The following TIAM2 variants were observed in gnomAD, a reference collection of about 807,000 sequenced individuals.
TIAM2 encodes the protein TIAM Rac1 associated GEF 2, also known as rho guanine nucleotide exchange factor TIAM2.
In TIAM2, 80 loss-of-function variants were observed where a neutral mutation model predicts 152.9. The observed-to-expected ratio is 0.52, with a 90% CI of 0.44 to 0.63. TIAM2 has a LOEUF of 0.63. Among genes scored for constraint, TIAM2 ranks in the 30% least tolerant of loss-of-function variants. The probability of loss-of-function intolerance (pLI) is 0.00; values close to 1 mark genes in which losing one functional copy is unlikely to be tolerated. For synonymous variants in TIAM2, 804 were observed against 838.0 expected (o/e 0.96, Z 0.70); for missense variants, 1,965 against 2,120.1 (o/e 0.93, Z 1.44).
intron 1 of TIAM2, among the ~76,000 whole-genome samples, chr6:155,062,822 G>T (rs920068236): frequency 2.6e-5 from 4 of 151,958 alleles, no homozygotes; most frequent in Admixed American, 2.6e-4. Context: ...TGATCCACCC[G>T]CCTCAGCCTC....
chr6:155,183,584 A>G, intron 14 of TIAM2, 84 bp downstream of exon 14: 1 of 1,476,186 alleles, frequency 6.8e-7, no homozygotes, highest in Non-Finnish European at 9.1e-7. Context: ...GCAAACTCAG[A>G]TTATTTAAGC....
Position 155,256,509 on chromosome 6 carries a change from G to A in TIAM2, c.4494G>A (p.Leu1498=), listed in dbSNP as rs756501590. The A allele has an allele frequency of 6.2e-6, 10 of 1,614,230 alleles. No homozygotes were observed. In the East Asian group the frequency reaches 1.6e-4, roughly 25 times the overall value. ...KLASSRSLKV[L]KNSSSNEWTG... is the part of the protein sequence containing the mutation. The stretch of plus-strand genomic sequence containing the variant: ...CTTCATCCAGGTCTTTAAAAGTCCT[G>A]AAGAATTCCTCCAGCAACGAGTGGA... The change falls in exon 27 of 27, where the codon CTG becomes CTA. Residue 1498 remains leucine (L), a synonymous_variant. Coordinates refer to ENST00000682666, the MANE Select transcript of TIAM2 (RefSeq NM_012454.4).
chr6:155,067,714 C>T (rs1381778909), intron 1 of TIAM2, among the ~76,000 whole-genome samples: 2 of 152,130 alleles, frequency 1.3e-5, no homozygotes, highest in Non-Finnish European at 2.9e-5. Flanking sequence ...CATCATGGCT[C>T]ACTGCAGCCT....
rs187460443 is a variant in TIAM2, at chr6:155,157,601, C to T, written c.2029-6814C>T. On this transcript the variant is annotated intron_variant, in intron 7 of 26. Transcript: ENST00000682666. ...GGATTATAGGAGTGAGCCACTGCACCCAGACGAGAAGTACATTTTCCGTAT... is the reference window on the plus strand; with the variant it reads ...GGATTATAGGAGTGAGCCACTGCACTCAGACGAGAAGTACATTTTCCGTAT... Among the ~76,000 whole-genome samples the T allele has an allele frequency of 9.2e-5, 14 of 152,124 alleles. 1 individual carries two copies. Among genetic ancestry groups the T allele is most frequent in the East Asian group, 3.9e-4 (2 of 5,176 alleles).
intron 5 of TIAM2, among the ~76,000 whole-genome samples, chr6:155,142,793 C>G (rs528060780): frequency 6.6e-6 from 1 of 152,174 alleles, no homozygotes; most frequent in South Asian, 2.1e-4. Context: ...GGAGCAAATG[C>G]GCAGTTTCTT....
intron 4 of TIAM2, among the ~76,000 whole-genome samples, chr6:155,134,994 C>T (rs757790220): frequency 3.3e-5 from 5 of 152,112 alleles, no homozygotes; most frequent in South Asian, 2.1e-4. Context: ...CGTGAGCCAC[C>T]GAGCCCAGCC....
intron 1 of TIAM2, among the ~76,000 whole-genome samples, chr6:155,008,072 G>T (rs151332961): frequency 1.7e-3 from 256 of 152,236 alleles, no homozygotes; most frequent in Non-Finnish European, 2.4e-3. Flanking sequence ...TGTAATTGTC[G>T]ACCTTAAATA....
At chr6:155,114,679 T>C (rs907487007) in intron 2 of TIAM2, among the ~76,000 whole-genome samples, 4 of 152,200 alleles carry the variant, frequency 2.6e-5, no homozygotes, top group African/African-American at 9.7e-5. Flanking sequence ...GTTTAGTTTT[T>C]CATTTTATTC....
At chr6:155,054,676 G>C (rs555984157) in intron 1 of TIAM2, among the ~76,000 whole-genome samples, 3 of 152,150 alleles carry the variant, frequency 2.0e-5, no homozygotes, top group African/African-American at 7.2e-5. Flanking sequence ...CCGCCCCCTG[G>C]GTTCAAGTGA....
intron 21 of TIAM2, chr6:155,250,534 T>C: frequency 6.5e-7 from 1 of 1,535,774 alleles, no homozygotes; most frequent in Middle Eastern, 1.7e-4. Context: ...TGCTCTTTTA[T>C]CAGCAGCCCG....
At chr6:155,016,990 C>T (rs559030135) in intron 1 of TIAM2, among the ~76,000 whole-genome samples, 18 of 152,212 alleles carry the variant, frequency 1.2e-4, no homozygotes, top group African/African-American at 3.1e-4. Context: ...GGAGTGGCTT[C>T]GGATACTTGA....
chr6:155,247,633 T>TG (rs904302624), intron 19 of TIAM2, among the ~76,000 whole-genome samples: 1 of 152,228 alleles, frequency 6.6e-6, no homozygotes, highest in African/African-American at 2.4e-5. Flanking sequence ...TGGCCACGCT[T>TG]CATGGCTTTT....
At chr6:155,029,560 T>G (rs1458537612) in intron 1 of TIAM2, among the ~76,000 whole-genome samples, 5 of 103,570 alleles carry the variant, frequency 4.8e-5, no homozygotes, top group African/African-American at 1.9e-4. Context: ...AGTATAAATA[T>G]ATACTATATA....
rs1454933474 is a variant in TIAM2 at position 155,257,496 on chromosome 6, T to TGTTA, written c.*379_*382dup. 5.0e-5 allele frequency: 17 copies of TGTTA among 338,782 alleles called. No homozygotes were observed. Among genetic ancestry groups the TGTTA allele is most frequent in the Non-Finnish European group, 8.1e-5 (15 of 185,318 alleles). 21.0% of individuals were successfully genotyped at this position (338,782 alleles called of 1,614,324 possible). A position where few individuals can be genotyped will look rare whatever the true frequency, so the allele number is the denominator to read the frequency against. ...CTCTGGGCATTTTCTTTCAGCTGTT[T>TGTTA]GTTAGTTTTTGCTTTATTTAAAGCA... On this transcript the variant is annotated 3_prime_UTR_variant, in exon 27 of 27. Coordinates refer to ENST00000682666, the MANE Select transcript of TIAM2 (RefSeq NM_012454.4).
At chr6:155,137,075 T>A in intron 4 of TIAM2, 102 bp from the exon 5 acceptor site, 1 of 1,245,588 alleles carries the variant, frequency 8.0e-7, no homozygotes, top group Non-Finnish European at 1.1e-6. Context: ...TGCTTTGCAT[T>A]ACATTATCAG....
chr6:155,108,756 G>A (rs1562318737), intron 2 of TIAM2, among the ~76,000 whole-genome samples: 1 of 152,006 alleles, frequency 6.6e-6, no homozygotes, highest in Non-Finnish European at 1.5e-5. Context: ...CTGTCTTGGT[G>A]GTCTGAGATT....
chr6:155,210,371 T>C (rs1303818640), intron 14 of TIAM2, among the ~76,000 whole-genome samples: 2 of 151,968 alleles, frequency 1.3e-5, no homozygotes, highest in Non-Finnish European at 2.9e-5. Flanking sequence ...CAGGCTGGAT[T>C]GCAGTGGCAC....
chr6:155,137,576 C>T lies in TIAM2; in HGVS notation c.1594C>T (p.Arg532Ter), dbSNP rs774295763. ...QKERKLELVA[R>*]RKWKQYWVTL... Reference sequence around the variant, plus strand: ...GGAAAGGAAGCTTGAGCTGGTGGCACGAAGGAAATGGAAACAGTACTGGGT... The same window carrying T: ...GGAAAGGAAGCTTGAGCTGGTGGCATGAAGGAAATGGAAACAGTACTGGGT... The change falls in exon 5 of 27, where the codon CGA becomes TGA. Residue 532 changes from arginine (R) to a stop codon, truncating the protein, a stop_gained. Coordinates refer to ENST00000682666, the MANE Select transcript of TIAM2 (RefSeq NM_012454.4). LOFTEE classifies it high-confidence loss of function. 5.0e-6 allele frequency: 8 copies of T among 1,607,648 alleles called. No individual in the cohort carries two copies. Among genetic ancestry groups the T allele is most frequent in the South Asian group, 2.2e-5 (2 of 90,708 alleles).
At chr6:155,020,001 C>T (rs961365899) in intron 1 of TIAM2, among the ~76,000 whole-genome samples, 36 of 151,872 alleles carry the variant, frequency 2.4e-4, no homozygotes, top group Admixed American at 1.2e-3. Context: ...TGCAGTGAGC[C>T]GAGATTGCGC....
Sources: allele counts gnomAD v4.1 joint callset (sites outside exome capture counted in the v4.1 genomes callset), GRCh38; gene constraint gnomAD v4.1.1; transcripts MANE v1.5; gene names NCBI Gene and HGNC (gene_info 2026-07-23, HGNC 2026-07-21).